FHL1: variants seen among roughly 807,000 people sequenced by gnomAD.
The protein encoded by FHL1 is four and a half LIM domains 1, also known as four and a half LIM domains protein 1.
A neutral mutation model predicts 20.3 loss-of-function variants in FHL1; 1 was observed. The ratio of observed to expected loss-of-function variants is 0.05; its 90% CI spans 0.02 to 0.23. The LOEUF (loss-of-function observed/expected upper bound fraction) is 0.23. Among genes scored for constraint, FHL1 ranks in the 10% least tolerant of loss-of-function variants. The pLI is 1.00. For synonymous variants in FHL1, 82 were observed against 88.9 expected, an observed-to-expected ratio of 0.92 and a Z score of 0.44; for missense variants, 177 against 234.0, an observed-to-expected ratio of 0.76 and a Z score of 1.59.
At chrX:136,207,347 A>G in intron 3 of FHL1, 157 bp downstream of exon 3, 2 of 501,960 alleles carry the variant, frequency 4.0e-6, no homozygotes, top group Non-Finnish European at 6.6e-6. Flanking sequence ...ATATGCGTAC[A>G]CATATATGCT....
intron 1 of FHL1, among the ~76,000 whole-genome samples, chrX:136,149,582 G>A (rs2072209209): frequency 9.0e-6 from 1 of 111,674 alleles, no homozygotes; most frequent in South Asian, 3.7e-4. Context: ...AACCATATAT[G>A]GTTTTTGAAA....
intron 1 of FHL1, among the ~76,000 whole-genome samples, chrX:136,158,378 T>TA (rs2072477064): frequency 8.9e-6 from 1 of 112,007 alleles, no homozygotes; most frequent in Admixed American, 9.5e-5. Context: ...TGTCAAAAAA[T>TA]ATCTCGCTGG....
At chrX:136,196,935 G>A (rs2148350693), upstream of FHL1, 1 of 1,079,461 alleles carries the variant, frequency 9.3e-7, no homozygotes, top group South Asian at 2.0e-5. Flanking sequence ...AAATGGTTAA[G>A]AATTTTCTAG....
intron 2 of FHL1, among the ~76,000 whole-genome samples, chrX:136,170,751 C>T (rs990587996): frequency 9.0e-6 from 1 of 110,845 alleles, no homozygotes; most frequent in Admixed American, 9.6e-5. Context: ...GGTCTCTGTG[C>T]GCTCACAAGA....
chrX:136,200,892 G>C (rs1376217901), intron 1 of FHL1, among the ~76,000 whole-genome samples: 1 of 111,882 alleles, frequency 8.9e-6, no homozygotes, highest in Non-Finnish European at 1.9e-5. Flanking sequence ...GGCCGGGCAC[G>C]GTGGCTCATG....
At chrX:136,168,318 T>C (rs1207393295), upstream of FHL1, 1 of 111,662 alleles carries the variant, frequency 9.0e-6, no homozygotes, top group Non-Finnish European at 1.9e-5. Flanking sequence ...AGTGTGGTGG[T>C]GGGAGATGAG....
chrX:136,206,797 C>G (rs2073852466), intron 2 of FHL1, among the ~76,000 whole-genome samples: 1 of 113,323 alleles, frequency 8.8e-6, no homozygotes, highest in African/African-American at 3.2e-5. Flanking sequence ...GCGCCCTTGC[C>G]AGCTCTTTTG....
At chrX:136,188,158 A>T (rs1283147119) in intron 2 of FHL1, among the ~76,000 whole-genome samples, 3 of 111,901 alleles carry the variant, frequency 2.7e-5, no homozygotes, top group Non-Finnish European at 5.6e-5. Context: ...CTTCACTCAC[A>T]CTCACCTGGA....
intron 1 of FHL1, among the ~76,000 whole-genome samples, chrX:136,200,652 C>G (rs1012334945): frequency 2.9e-4 from 33 of 112,001 alleles, no homozygotes; most frequent in African/African-American, 9.4e-4. Flanking sequence ...GGATTAGGTA[C>G]TGGGGCCCCC....
At chrX:136,199,286 ATATAATC>A (rs1049868043) in intron 1 of FHL1, among the ~76,000 whole-genome samples, 2 of 111,871 alleles carry the variant, frequency 1.8e-5, no homozygotes, top group African/African-American at 6.5e-5. Flanking sequence ...CTGACACCCG[ATATAATC>A]TAAAATGGCA....
At chrX:136,157,572 G>A (rs1441841088) in intron 1 of FHL1, among the ~76,000 whole-genome samples, 1 of 110,986 alleles carries the variant, frequency 9.0e-6, no homozygotes, top group Non-Finnish European at 1.9e-5. Context: ...ATCAGGATGT[G>A]GAATGTTTTT....
rs893395681 is a variant in FHL1 at position 136,209,143 on chromosome X, C to T, written c.736+502C>T. ...ATCACTTCATTCCTCATCTCGCGGC[C>T]GCGATCCACGTGCCCTGGGCCCTTT... is the stretch of plus-strand genomic sequence containing the variant. On this transcript the variant is annotated intron_variant, in intron 5 of 5. Coordinates refer to ENST00000370683, the MANE Select transcript of FHL1 (RefSeq NM_001159699.2). 133 of 793,463 alleles carry T rather than the reference C, an allele frequency of 1.7e-4. 1 individual carries two copies. Among genetic ancestry groups the T allele is most frequent in the Non-Finnish European group, 2.1e-4 (114 of 555,012 alleles). 65.4% of individuals were successfully genotyped at this position (793,463 alleles called of 1,213,427 possible).
chrX:136,154,976 G>C (rs1446587441), intron 1 of FHL1, among the ~76,000 whole-genome samples: 1 of 112,004 alleles, frequency 8.9e-6, no homozygotes, highest in African/African-American at 3.2e-5. Context: ...CAAAGTGCTG[G>C]GATTACAGGC....
chrX:136,209,338 A>G (rs772013758), intron 5 of FHL1: 1 of 1,211,123 alleles, frequency 8.3e-7, no homozygotes, highest in Non-Finnish European at 1.1e-6. Context: ...CCTGTTTCCC[A>G]GCGCCAACCT....
At chrX:136,163,243 C>T (rs976578967) in intron 1 of FHL1, among the ~76,000 whole-genome samples, 4 of 112,191 alleles carry the variant, frequency 3.6e-5, no homozygotes, top group Non-Finnish European at 5.6e-5. Context: ...CTCCAGGTGC[C>T]GCCAATTTTG....
intron 1 of FHL1, among the ~76,000 whole-genome samples, chrX:136,151,272 T>C (rs1777137881): frequency 1.1e-5 from 1 of 88,043 alleles, no homozygotes; most frequent in Admixed American, 1.3e-4. Context: ...CAAACAAAAT[T>C]ATCCAGCCTG....
chrX:136,166,690 TATG>T (rs1213971371), upstream of FHL1, among the ~76,000 whole-genome samples: 2 of 112,071 alleles, frequency 1.8e-5, no homozygotes, highest in African/African-American at 3.2e-5. Flanking sequence ...TAAGATGAAA[TATG>T]ATAAGACTAG....
In FHL1 at chrX:136,210,118, GTCCTTCCCTTCTTTAAAGTTC is replaced by G; in HGVS notation, c.*101_*121del. 1 of 1,100,703 alleles carries G rather than the reference GTCCTTCCCTTCTTTAAAGTTC, an allele frequency of 9.1e-7. No individual in the cohort carries two copies. The highest frequency in any genetic ancestry group is 1.3e-6 in the Non-Finnish European group (1 of 795,546). 90.7% of individuals were successfully genotyped at this position (1,100,703 alleles called of 1,213,427 possible). A position where few individuals can be genotyped will look rare whatever the true frequency, so the allele number is the denominator to read the frequency against. On this transcript the variant is annotated 3_prime_UTR_variant, in exon 6 of 6. Transcript: ENST00000370683. ...CTATACCATCAATAGGGGAAGAGTG[GTCCTTCCCTTCTTTAAAGTTC>G]TCCTTCCGTCTTTTCTCCCATTTTA...
intron 2 of FHL1, among the ~76,000 whole-genome samples, chrX:136,170,683 T>G (rs1344888256): frequency 9.0e-6 from 1 of 110,939 alleles, no homozygotes; most frequent in Non-Finnish European, 1.9e-5. Flanking sequence ...AATGAAGGAA[T>G]CTAAGAGAAG....
Sources: gnomAD v4.1 joint callset for allele counts (sites outside exome capture counted in the v4.1 genomes callset) on GRCh38, gnomAD v4.1.1 for gene constraint, MANE v1.5 for transcripts, NCBI Gene and HGNC (gene_info 2026-07-23, HGNC 2026-07-21) for gene names.